CFAP92: variants seen among roughly 807,000 people sequenced by gnomAD.
CFAP92 encodes the protein cilia and flagella associated protein 92 (putative).
In CFAP92, 86 loss-of-function variants were observed where a neutral mutation model predicts 106.3. The ratio of observed to expected loss-of-function variants is 0.81; its 90% CI spans 0.68 to 0.97. The LOEUF (loss-of-function observed/expected upper bound fraction) is 0.97, where lower values mean the gene tolerates loss of function less well. Ranked by LOEUF, CFAP92 falls within the 50% of genes least tolerant of loss-of-function variation. CFAP92 has a pLI of 0.00. For synonymous variants in CFAP92, 477 were observed against 506.4 expected (o/e 0.94, Z 0.78); for missense variants, 1,204 against 1,283.8 (o/e 0.94, Z 0.95).
chr3:128,926,625 A>G (rs1937677309), intron 12 of CFAP92, among the ~76,000 whole-genome samples: 1 of 152,218 alleles, frequency 6.6e-6, no homozygotes, highest in Non-Finnish European at 1.5e-5. Context: ...GGAAGGACAG[A>G]GAAGGAAGAA....
At chr3:128,980,917 G>A (rs1033673632) in intron 4 of CFAP92, among the ~76,000 whole-genome samples, 1 of 152,126 alleles carries the variant, frequency 6.6e-6, no homozygotes, top group Non-Finnish European at 1.5e-5. Flanking sequence ...AGTCAGCCAT[G>A]AGGGCTGGAA....
At position 128,966,338 on chromosome 3, in the gene CFAP92, TATC is replaced by T. The variant is rs1295455900; in HGVS notation, c.1169-646_1169-644del. Among the ~76,000 whole-genome samples, 3 of 152,252 alleles carry T rather than the reference TATC, an allele frequency of 2.0e-5. No individual in the cohort carries two copies. The East Asian group carries it at 5.8e-4, about 29-fold the overall frequency. ...CCAGGCAGTTCTCCCACCAAGGACA[TATC>T]ATGCCAGTGTGTACATTTGGTACTC... On this transcript the variant is annotated intron_variant, in intron 8 of 15. Transcript: ENST00000645291.
chr3:129,024,961 G>A, the CFAP92 span, among the ~76,000 whole-genome samples: 1 of 152,178 alleles, frequency 6.6e-6, no homozygotes, highest in African/African-American at 2.4e-5. Context: ...AAACCCAGCG[G>A]CCACTCTTTG....
intron 9 of CFAP92, among the ~76,000 whole-genome samples, chr3:128,958,668 C>T (rs763657862): frequency 7.9e-5 from 12 of 151,818 alleles, no homozygotes; most frequent in Non-Finnish European, 1.2e-4. Flanking sequence ...TGGGAGGCCA[C>T]GGCAGGAGGA....
upstream of CFAP92, chr3:129,003,894 C>A (rs955110100): frequency 1.5e-5 from 20 of 1,375,184 alleles, no homozygotes; most frequent in Middle Eastern, 2.6e-4. Context: ...GCCCTGGCTG[C>A]GGCGGAGGCC....
At chr3:128,984,696 A>G (rs1053286681) in intron 4 of CFAP92, among the ~76,000 whole-genome samples, 1 of 152,118 alleles carries the variant, frequency 6.6e-6, no homozygotes, top group Non-Finnish European at 1.5e-5. Flanking sequence ...ACTCCCTTTC[A>G]TATATACATC....
intron 7 of CFAP92, among the ~76,000 whole-genome samples, chr3:128,973,315 C>G (rs754808517): frequency 1.4e-4 from 22 of 152,172 alleles, no homozygotes; most frequent in Non-Finnish European, 1.8e-4. Context: ...CATGCCCGTG[C>G]AGACCGGGGA....
At chr3:128,994,792 T>A (rs1944418195), upstream of CFAP92, among the ~76,000 whole-genome samples, 1 of 152,104 alleles carries the variant, frequency 6.6e-6, no homozygotes. Context: ...AGCAAGCGGC[T>A]GGGACAGAGG....
At chr3:128,947,591 A>C (rs1576474665) in intron 9 of CFAP92, among the ~76,000 whole-genome samples, 1 of 152,250 alleles carries the variant, frequency 6.6e-6, no homozygotes, top group Non-Finnish European at 1.5e-5. Context: ...ACAGATCCAC[A>C]CAAGTATGGC....
At chr3:129,006,033 A>G (rs79251652), upstream of CFAP92, among the ~76,000 whole-genome samples, 1,652 of 152,376 alleles carry the variant, frequency 0.011, 24 homozygotes, top group African/African-American at 0.038. Context: ...TTCATAGCCA[A>G]TGCACCATTT....
rs531145864 is a variant in CFAP92 at position 129,002,167 on chromosome 3, G to A, written n.117+407C>T. ...ACGCAGATCCGCCTGCGCCGTCCGC[G>A]CCGCCGCCGCCGCCCGCCCTGCGCG... On this transcript the variant is annotated intron_variant and non_coding_transcript_variant, in intron 1 of 4. Coordinates refer to the CFAP92 transcript ENST00000510149. The A allele has an allele frequency of 8.4e-5, 123 of 1,461,352 alleles. No homozygotes were observed. The African/African-American group carries it at 1.7e-3, about 20-fold the overall frequency. The allele number at this position is 1,461,352 out of a possible 1,614,324, so 90.5% of individuals were successfully genotyped here.
At chr3:128,998,512 T>C (rs1944565373), upstream of CFAP92, among the ~76,000 whole-genome samples, 1 of 152,214 alleles carries the variant, frequency 6.6e-6, no homozygotes, top group Non-Finnish European at 1.5e-5. Context: ...TTCTGGGCTC[T>C]GGATAGAACA....
At chr3:128,956,746 G>A (rs545518412) in intron 9 of CFAP92, among the ~76,000 whole-genome samples, 12 of 152,016 alleles carry the variant, frequency 7.9e-5, no homozygotes, top group South Asian at 4.2e-4. Context: ...TTGGGAGGCC[G>A]AGGTGCGTGC....
chr3:128,923,018 A>AG (rs1432938636), intron 12 of CFAP92, among the ~76,000 whole-genome samples: 1 of 152,260 alleles, frequency 6.6e-6, no homozygotes, highest in East Asian at 1.9e-4. Context: ...TTAACCAAAG[A>AG]GGCAGAAGCT....
At chr3:128,964,778 A>G (rs1942239461) in intron 9 of CFAP92, among the ~76,000 whole-genome samples, 1 of 151,918 alleles carries the variant, frequency 6.6e-6, no homozygotes, top group Admixed American at 6.6e-5. Flanking sequence ...CCCTTACCAC[A>G]AGACCTCCCT....
At chr3:128,935,476 C>T (rs1938900798) in intron 10 of CFAP92, among the ~76,000 whole-genome samples, 157 bp from the exon 11 acceptor site, 1 of 152,148 alleles carries the variant, frequency 6.6e-6, no homozygotes. Context: ...CTTTGGGAGG[C>T]TGAGGTGGGC....
chr3:128,944,548 T>G (rs1940013714), intron 10 of CFAP92, among the ~76,000 whole-genome samples: 1 of 152,070 alleles, frequency 6.6e-6, no homozygotes. Flanking sequence ...ACTTGCAAAT[T>G]GTGAAAGGAA....
chr3:128,949,748 G>A (rs866281192), intron 9 of CFAP92, among the ~76,000 whole-genome samples: 7 of 152,166 alleles, frequency 4.6e-5, no homozygotes, highest in African/African-American at 9.7e-5. Context: ...GTGCAATGGC[G>A]CGATCTTGGC....
At chr3:128,997,435 CTAA>C (rs1040992670), upstream of CFAP92, among the ~76,000 whole-genome samples, 64 of 152,340 alleles carry the variant, frequency 4.2e-4, no homozygotes, top group African/African-American at 1.5e-3. Context: ...TTTCATCCCC[CTAA>C]TAAGACTTCA....
Sources: allele counts gnomAD v4.1 joint callset (sites outside exome capture counted in the v4.1 genomes callset), GRCh38; gene constraint gnomAD v4.1.1; transcripts MANE v1.5; gene names NCBI Gene and HGNC (gene_info 2026-07-23, HGNC 2026-07-21).